TXNRD3: variants seen among roughly 807,000 people sequenced by gnomAD.
TXNRD3 encodes TXNRD3 neighbor gene protein.
In TXNRD3, 68 loss-of-function variants were observed where a neutral mutation model predicts 78.2. The ratio of observed to expected loss-of-function variants is 0.87; its 90% CI spans 0.72 to 1.06. The LOEUF is 1.06. Ranked by LOEUF, TXNRD3 falls within the 50% of genes least tolerant of loss-of-function variation. TXNRD3 has a pLI of 0.00. For missense variants in TXNRD3, 751 were observed against 809.5 expected (o/e 0.93, Z 0.88); for synonymous variants, 296 against 300.1 (o/e 0.99, Z 0.14).
Position 126,654,090 on chromosome 3 carries a change from A to C in TXNRD3, c.243+658T>G, listed in dbSNP as rs1394821493. 2.0e-5 allele frequency among the ~76,000 whole-genome samples: 3 copies of C among 152,150 alleles called. No individual in the cohort carries two copies. In the East Asian group the frequency reaches 5.8e-4, roughly 29 times the overall value. Reference sequence around the variant, plus strand: ...GAGGGAGGGAGGAGACAGCCAAGGAAGCTTCTACAGTACTAGTGTCACTTT... The same window carrying C: ...GAGGGAGGGAGGAGACAGCCAAGGACGCTTCTACAGTACTAGTGTCACTTT... On this transcript the variant is annotated intron_variant, in intron 1 of 15. Transcript: ENST00000524230.
intron 8 of TXNRD3, 59 bp downstream of exon 8, chr3:126,631,705 A>G: frequency 9.4e-7 from 1 of 1,067,044 alleles, no homozygotes; most frequent in Non-Finnish European, 1.4e-6. Flanking sequence ...TAAACTGGAA[A>G]CATGTCAATA....
intron 10 of TXNRD3, among the ~76,000 whole-genome samples, chr3:126,625,535 T>C (rs1485462858): frequency 6.6e-6 from 1 of 152,070 alleles, no homozygotes; most frequent in African/African-American, 2.4e-5. Flanking sequence ...GTGCCACATT[T>C]TCTTAATCCA....
chr3:126,613,918 A>T (rs1938250415), intron 13 of TXNRD3, among the ~76,000 whole-genome samples: 1 of 152,278 alleles, frequency 6.6e-6, no homozygotes, highest in African/African-American at 2.4e-5. Flanking sequence ...TGCCTCAGGC[A>T]GGTCCTTCAG....
At position 126,611,053 on chromosome 3, in the gene TXNRD3, C is replaced by T; in HGVS notation, c.1712G>A (p.Cys571Tyr). Residue 571 changes from cysteine to tyrosine, a missense_variant, in exon 14 of 16, where the codon TGC (cysteine) becomes TAC (tyrosine). Cys to Tyr is a radical substitution (Grantham distance 194). Coordinates refer to ENST00000524230, the MANE Select transcript of TXNRD3 (RefSeq NM_052883.3). ...ATTACATACATGGTCGAATTTATTGCAGATTATCTTTGCATAACAAGTGTT... is the reference window on the plus strand; with the variant it reads ...ATTACATACATGGTCGAATTTATTGTAGATTATCTTTGCATAACAAGTGTT... The T allele has an allele frequency of 6.6e-7, 1 of 1,516,636 alleles. No individual in the cohort carries two copies. The highest frequency in any genetic ancestry group is 1.2e-5 in the South Asian group (1 of 80,116). The allele number at this position is 1,516,636 out of a possible 1,614,324, so 93.9% of individuals were successfully genotyped here.
At chr3:126,617,103 A>G (rs1038717579) in intron 12 of TXNRD3, among the ~76,000 whole-genome samples, 1 of 152,184 alleles carries the variant, frequency 6.6e-6, no homozygotes, top group Non-Finnish European at 1.5e-5. Flanking sequence ...TCAACTAAGA[A>G]AAATAAACAG....
intron 1 of TXNRD3, among the ~76,000 whole-genome samples, chr3:126,650,280 C>T (rs185066392): frequency 8.3e-4 from 127 of 152,348 alleles, no homozygotes; most frequent in Non-Finnish European, 1.0e-3. Context: ...ACAGGTCAGA[C>T]GCTGCTCACA....
chr3:126,641,188 C>A (rs1376498601), intron 6 of TXNRD3, among the ~76,000 whole-genome samples: 1 of 152,176 alleles, frequency 6.6e-6, no homozygotes, highest in East Asian at 1.9e-4. Flanking sequence ...GCTGCAGTGC[C>A]CACTTCCCAA....
chr3:126,609,177 G>A, intron 14 of TXNRD3: 1 of 444,402 alleles, frequency 2.3e-6, no homozygotes, highest in Non-Finnish European at 4.6e-6. Flanking sequence ...GTTTTCCACG[G>A]TAACGGTGCA....
intron 13 of TXNRD3, among the ~76,000 whole-genome samples, chr3:126,614,568 T>C (rs1461309832): frequency 6.6e-6 from 1 of 152,236 alleles, no homozygotes; most frequent in African/African-American, 2.4e-5. Context: ...AATAATGTTC[T>C]CTAAAATGTA....
chr3:126,611,509 A>G (rs1410285964), intron 13 of TXNRD3, among the ~76,000 whole-genome samples: 1 of 152,224 alleles, frequency 6.6e-6, no homozygotes. Context: ...CAAGGCTCAC[A>G]TTCCAGCAAA....
At chr3:126,608,286 G>A (rs530204716) in intron 15 of TXNRD3, among the ~76,000 whole-genome samples, 4 of 152,268 alleles carry the variant, frequency 2.6e-5, no homozygotes, top group African/African-American at 7.2e-5. Flanking sequence ...ACTTGCACCT[G>A]GGAGGTGGAG....
Position 126,633,911 on chromosome 3 carries a change from T to C in TXNRD3, c.853A>G (p.Lys285Glu). 1 of 1,492,330 alleles carries C rather than the reference T, an allele frequency of 6.7e-7. No homozygotes were observed. The highest frequency in any genetic ancestry group is 8.9e-7 in the Non-Finnish European group (1 of 1,127,576). The allele number at this position is 1,492,330 out of a possible 1,614,324, so 92.4% of individuals were successfully genotyped here. Residue 285 changes from lysine to glutamate, a missense_variant and splice_region_variant, in exon 7 of 16, where the codon AAG (lysine) becomes GAG (glutamate). Transcript: ENST00000524230. ...AAGACAAGAAACTCAAGCACTACCT[T>C]TATTTTATGATGTTCAACAAATTCT...
intron 10 of TXNRD3, among the ~76,000 whole-genome samples, chr3:126,628,506 G>A (rs950129808): frequency 2.0e-5 from 3 of 152,008 alleles, no homozygotes; most frequent in Admixed American, 6.6e-5. Context: ...ACACAAAAAT[G>A]AGCAGCATTT....
intron 13 of TXNRD3, among the ~76,000 whole-genome samples, chr3:126,612,405 C>T (rs979577747): frequency 7.2e-5 from 11 of 152,098 alleles, no homozygotes; most frequent in Admixed American, 7.2e-4. Flanking sequence ...ATTTCTTTAT[C>T]TTAGGATACA....
At chr3:126,650,637 T>C (rs1188164545) in intron 1 of TXNRD3, among the ~76,000 whole-genome samples, 1 of 149,626 alleles carries the variant, frequency 6.7e-6, no homozygotes, top group Non-Finnish European at 1.5e-5. Flanking sequence ...CAAGACCCCA[T>C]CTCAGAAAAA....
At chr3:126,642,230 T>C in intron 5 of TXNRD3, 79 bp from the exon 6 acceptor site, 2 of 1,427,136 alleles carry the variant, frequency 1.4e-6, no homozygotes, top group South Asian at 1.5e-5. Context: ...TTAAAACATG[T>C]GGAAATGACA....
At chr3:126,641,925 A>G in intron 6 of TXNRD3, 107 bp downstream of exon 6, 1 of 1,312,986 alleles carries the variant, frequency 7.6e-7, no homozygotes, top group Non-Finnish European at 1.0e-6. Flanking sequence ...ATGAATGTTC[A>G]TTAAATGAAT....
At chr3:126,622,647 C>T in intron 10 of TXNRD3, 107 bp from the exon 11 acceptor site, 1 of 807,486 alleles carries the variant, frequency 1.2e-6, no homozygotes, top group Non-Finnish European at 1.9e-6. Flanking sequence ...TGGAATATTA[C>T]AAACAATCTA....
intron 5 of TXNRD3, 145 bp from the exon 6 acceptor site, chr3:126,642,296 C>T: frequency 9.6e-7 from 1 of 1,042,682 alleles, no homozygotes; most frequent in Non-Finnish European, 1.3e-6. Flanking sequence ...AAGGGATTAA[C>T]CCAAATTTTC....
Sources: allele counts gnomAD v4.1 joint callset (sites outside exome capture counted in the v4.1 genomes callset), GRCh38; gene constraint gnomAD v4.1.1; transcripts MANE v1.5; gene names NCBI Gene and HGNC (gene_info 2026-07-23, HGNC 2026-07-21).